Variants in HAPSTR1 observed in about 807,000 individuals in gnomAD.
The protein encoded by HAPSTR1 is HUWE1-associated protein modifying stress responses 1.
chr16:9,097,290 G>A, the HAPSTR1 span, among the ~76,000 whole-genome samples: 1 of 149,572 alleles, frequency 6.7e-6, no homozygotes, highest in Non-Finnish European at 1.5e-5. Context: ...TCACCCAGGT[G>A]GGAGTGCAGT....
At chr16:9,118,566 A>C in the HAPSTR1 span, 2 of 152,638 alleles carry the variant, frequency 1.3e-5, no homozygotes, top group African/African-American at 4.8e-5. Context: ...AATGAAAGTG[A>C]GAGATTTCTA....
chr16:9,091,740 G>A, the HAPSTR1 span: 16 of 399,042 alleles, frequency 4.0e-5, no homozygotes, highest in Non-Finnish European at 5.7e-5. Context: ...GCAGCGCCAT[G>A]GGGGGGCGTT....
chr16:9,100,417 ATT>A, the HAPSTR1 span, among the ~76,000 whole-genome samples: 2 of 142,388 alleles, frequency 1.4e-5, no homozygotes, highest in African/African-American at 2.6e-5. Flanking sequence ...TTCACAGGAT[ATT>A]TTTTTTTTTT....
chr16:9,105,468 A>T, the HAPSTR1 span: 1 of 152,218 alleles, frequency 6.6e-6, no homozygotes, highest in African/African-American at 2.4e-5. Flanking sequence ...TGAGAACATC[A>T]GTGTATTAAG....
At chr16:9,092,219 C>T in the HAPSTR1 span, 34 of 1,587,216 alleles carry the variant, frequency 2.1e-5, no homozygotes, top group Non-Finnish European at 2.8e-5. Flanking sequence ...GCAGCAGAAG[C>T]TGTGGCACCT....
chr16:9,116,953 A>C, the HAPSTR1 span: 1 of 1,607,468 alleles, frequency 6.2e-7, no homozygotes, highest in Non-Finnish European at 8.5e-7. Context: ...CTTGAAAGCC[A>C]CTTGATCCTC....
At chr16:9,095,784 C>T in the HAPSTR1 span, among the ~76,000 whole-genome samples, 1 of 152,086 alleles carries the variant, frequency 6.6e-6, no homozygotes, top group Non-Finnish European at 1.5e-5. Flanking sequence ...TCAGCAAGGA[C>T]AGAATTCAAT....
chr16:9,111,616 T>G, the HAPSTR1 span: 6 of 152,044 alleles, frequency 3.9e-5, no homozygotes, highest in African/African-American at 1.4e-4. Flanking sequence ...TTTGTTGGAC[T>G]TTTTTTTCAT....
At chr16:9,105,388 T>G in the HAPSTR1 span, 1 of 152,248 alleles carries the variant, frequency 6.6e-6, no homozygotes, top group Non-Finnish European at 1.5e-5. Context: ...AGTGTTGTGG[T>G]GAAGTAATAG....
the HAPSTR1 span, chr16:9,092,892 G>GTT: frequency 1.5e-3 from 1,928 of 1,256,670 alleles, no homozygotes; most frequent in Non-Finnish European, 1.6e-3. Context: ...TTTCTTTTTG[G>GTT]TTTTTTTTTT....
At chr16:9,104,936 A>G in the HAPSTR1 span, 1 of 152,228 alleles carries the variant, frequency 6.6e-6, no homozygotes. Context: ...GGGTCATTCC[A>G]TGCTTCTCTT....
the HAPSTR1 span, chr16:9,116,601 G>GT: frequency 4.4e-5 from 69 of 1,563,024 alleles, no homozygotes; most frequent in Non-Finnish European, 5.7e-5. Flanking sequence ...AACATGGAAA[G>GT]TAAGTGGGTT....
the HAPSTR1 span, among the ~76,000 whole-genome samples, chr16:9,094,615 A>G: frequency 1.3e-5 from 2 of 151,986 alleles, no homozygotes; most frequent in Non-Finnish European, 1.5e-5. Flanking sequence ...CTTGTAGCCT[A>G]TTGTGTCTGG....
the HAPSTR1 span, chr16:9,116,858 G>C: frequency 2.5e-6 from 4 of 1,614,076 alleles, no homozygotes; most frequent in African/African-American, 1.3e-5. Context: ...CCTCAGCCCA[G>C]TGTGGCGATG....
chr16:9,096,747 A>T, the HAPSTR1 span, among the ~76,000 whole-genome samples: 3 of 152,078 alleles, frequency 2.0e-5, no homozygotes, highest in African/African-American at 7.2e-5. Flanking sequence ...TTAAATTTCT[A>T]TTTAACTTTT....
chr16:9,120,457 A>T, the HAPSTR1 span: 2 of 151,948 alleles, frequency 1.3e-5, no homozygotes, highest in Non-Finnish European at 2.9e-5. Context: ...ATGGGATGAG[A>T]TATCCAGGGT....
At chr16:9,118,965 T>G in the HAPSTR1 span, 1 of 152,672 alleles carries the variant, frequency 6.5e-6, no homozygotes, top group Non-Finnish European at 1.5e-5. Flanking sequence ...CTCTGAATTG[T>G]CAAATTTTGA....
the HAPSTR1 span, chr16:9,103,023 T>C: frequency 6.2e-7 from 1 of 1,614,176 alleles, no homozygotes; most frequent in Non-Finnish European, 8.5e-7. Context: ...GATATTGGAA[T>C]TCAGATTGGC....
At chr16:9,101,786 T>C in the HAPSTR1 span, among the ~76,000 whole-genome samples, 2 of 151,722 alleles carry the variant, frequency 1.3e-5, no homozygotes, top group Non-Finnish European at 2.9e-5. Context: ...ATTGTTTGAC[T>C]ATTGCCCATC....
Sources: allele counts gnomAD v4.1 joint callset (sites outside exome capture counted in the v4.1 genomes callset), GRCh38; gene constraint gnomAD v4.1.1; transcripts MANE v1.5; gene names NCBI Gene and HGNC (gene_info 2026-07-23, HGNC 2026-07-21).